Variants in PTK2 observed in about 807,000 individuals in gnomAD.
PTK2 encodes focal adhesion kinase 1.
PTK2 carries 45 observed loss-of-function variants against 150.1 expected under a neutral mutation model. The observed-to-expected ratio is 0.30, with a 90% CI of 0.24 to 0.38. The LOEUF is 0.38. PTK2 is among the 10% of genes least tolerant of loss of function. The pLI is 1.00. For synonymous variants in PTK2, 432 were observed against 449.2 expected (o/e 0.96, Z 0.48); for missense variants, 919 against 1,307.3 (o/e 0.70, Z 4.58).
intron 5 of PTK2, among the ~76,000 whole-genome samples, chr8:140,860,922 T>C (rs1022926456): frequency 6.6e-6 from 1 of 152,236 alleles, no homozygotes; most frequent in Non-Finnish European, 1.5e-5. Context: ...AATGTGACCA[T>C]GACTATACTT....
chr8:140,671,660 T>C (rs57119375), intron 29 of PTK2, among the ~76,000 whole-genome samples: 7,375 of 148,312 alleles, frequency 0.05, 494 homozygotes, highest in African/African-American at 0.16. Flanking sequence ...ATGCCTGTAA[T>C]CCCAGCACTT....
At chr8:140,707,743 A>G (rs2100034626) in intron 23 of PTK2, among the ~76,000 whole-genome samples, 1 of 152,228 alleles carries the variant, frequency 6.6e-6, no homozygotes, top group South Asian at 2.1e-4. Flanking sequence ...TATGGTATGT[A>G]AATTGTATCT....
In PTK2 at chr8:140,939,369, T is replaced by C. The variant is rs528155526; in HGVS notation, c.-121-13620A>G. On this transcript the variant is annotated intron_variant, in intron 1 of 31. Transcript: ENST00000522684. ...CCCACATCTATCACTGCTATTGATATGTGTACTATACAAGTTCAGCTCTAT... is the reference window on the plus strand; with the variant it reads ...CCCACATCTATCACTGCTATTGATACGTGTACTATACAAGTTCAGCTCTAT... Among the ~76,000 whole-genome samples, 316 of 152,318 alleles carry C rather than the reference T, an allele frequency of 2.1e-3. 2 individuals carry two copies. Among genetic ancestry groups the C allele is most frequent in the Middle Eastern group, 3.4e-3 (1 of 294 alleles).
At chr8:140,925,679 G>C (rs916562446) in exon 2 of PTK2, 9 of 985,128 alleles carry the variant, frequency 9.1e-6, no homozygotes, top group Non-Finnish European at 1.1e-5. Context: ...CGTTATTCTT[G>C]AGGAGCTCTG....
At chr8:140,957,050 A>G (rs1308643537) in intron 1 of PTK2, among the ~76,000 whole-genome samples, 1 of 152,172 alleles carries the variant, frequency 6.6e-6, no homozygotes, top group Non-Finnish European at 1.5e-5. Flanking sequence ...AACAAGAGCA[A>G]AACTCCATCA....
At chr8:140,732,557 C>A in intron 22 of PTK2, 1 of 528,704 alleles carries the variant, frequency 1.9e-6, no homozygotes, top group Non-Finnish European at 3.9e-6. Context: ...GAGGTTTGGG[C>A]AACACCGAGG....
intron 1 of PTK2, among the ~76,000 whole-genome samples, chr8:140,998,078 C>T (rs974078960): frequency 9.2e-5 from 14 of 152,246 alleles, no homozygotes; most frequent in African/African-American, 3.1e-4. Flanking sequence ...CCAAGATATG[C>T]CTATACTACA....
chr8:140,895,644 G>A (rs1011761303), intron 2 of PTK2, among the ~76,000 whole-genome samples: 12 of 152,094 alleles, frequency 7.9e-5, no homozygotes, highest in African/African-American at 2.2e-4. Flanking sequence ...GAATGCGTAA[G>A]AGCTAGTATT....
intron 14 of PTK2, among the ~76,000 whole-genome samples, chr8:140,782,254 T>TTTTGG (rs567880304): frequency 3.8e-4 from 53 of 138,136 alleles, no homozygotes; most frequent in African/African-American, 1.5e-3. Flanking sequence ...TTTTTTTTTT[T>TTTTGG]GGGGGGGGGG....
chr8:140,736,602 A>G (rs951494602), intron 21 of PTK2, among the ~76,000 whole-genome samples: 4 of 152,182 alleles, frequency 2.6e-5, no homozygotes, highest in Non-Finnish European at 5.9e-5. Context: ...CATATAATGC[A>G]ATGTAAAGGA....
At chr8:140,749,578 C>T (rs1022528754) in intron 17 of PTK2, among the ~76,000 whole-genome samples, 2 of 152,208 alleles carry the variant, frequency 1.3e-5, no homozygotes, top group Non-Finnish European at 2.9e-5. Context: ...TAAAGTTTTA[C>T]TGGAACATAT....
In PTK2 at chr8:140,660,477, A is replaced by G. The variant is rs531539446; in HGVS notation, c.2947-799T>C. The stretch of plus-strand genomic sequence containing the variant: ...TGGCTCACTCCTGTACAATTTCAGC[A>G]CTTTGGGCGGCGGAGGCAGGCTGAC... On this transcript the variant is annotated intron_variant, in intron 31 of 31. Coordinates refer to ENST00000522684, the Ensembl canonical transcript of PTK2. 22 of 402,084 alleles carry G rather than the reference A, an allele frequency of 5.5e-5. No homozygotes were observed. The East Asian group carries it at 1.5e-3, about 28-fold the overall frequency. The allele number at this position is 402,084 out of a possible 1,614,324, so 24.9% of individuals were successfully genotyped here.
chr8:140,905,021 C>A (rs186591588), intron 2 of PTK2, among the ~76,000 whole-genome samples: 23 of 152,196 alleles, frequency 1.5e-4, no homozygotes, highest in African/African-American at 5.5e-4. Flanking sequence ...TTAGTTATTT[C>A]TTGTCTTCTG....
At chr8:140,660,739 C>G (rs994725130) in intron 31 of PTK2, 5 of 399,642 alleles carry the variant, frequency 1.3e-5, no homozygotes, top group African/African-American at 1.0e-4. Flanking sequence ...CCCCTCCCCC[C>G]GCACACATTA....
chr8:140,842,330 AT>A (rs977735365), intron 7 of PTK2, among the ~76,000 whole-genome samples: 2 of 151,010 alleles, frequency 1.3e-5, no homozygotes, highest in South Asian at 2.1e-4. Flanking sequence ...ATTGTTTTCT[AT>A]TTTTTTTTCT....
chr8:140,756,525 C>T (rs1246300757), intron 16 of PTK2, among the ~76,000 whole-genome samples: 2 of 150,476 alleles, frequency 1.3e-5, no homozygotes, highest in Non-Finnish European at 3.0e-5. Context: ...TGAAGAAACC[C>T]CATCTCTACT....
At chr8:140,999,414 CAAG>C (rs1439522833) in intron 1 of PTK2, among the ~76,000 whole-genome samples, 2 of 152,154 alleles carry the variant, frequency 1.3e-5, no homozygotes, top group African/African-American at 4.8e-5. Flanking sequence ...GTTTAATAAA[CAAG>C]AAGGTTCAAA....
chr8:140,992,835 ACT>A (rs2154610302), intron 1 of PTK2, among the ~76,000 whole-genome samples: 1 of 152,296 alleles, frequency 6.6e-6, no homozygotes, highest in East Asian at 1.9e-4. Flanking sequence ...GCAGCAAAAG[ACT>A]CTGAACAAGG....
chr8:140,786,566 A>T (rs1254604575), intron 14 of PTK2, among the ~76,000 whole-genome samples: 8 of 152,122 alleles, frequency 5.3e-5, no homozygotes, highest in African/African-American at 1.7e-4. Flanking sequence ...AGATAGAAAC[A>T]TATCACACCA....
Sources: gnomAD v4.1 joint callset for allele counts (sites outside exome capture counted in the v4.1 genomes callset) on GRCh38, gnomAD v4.1.1 for gene constraint, MANE v1.5 for transcripts, NCBI Gene and HGNC (gene_info 2026-07-23, HGNC 2026-07-21) for gene names.